Variants in ZCCHC14 observed in about 807,000 individuals in gnomAD.
ZCCHC14 encodes the protein zinc finger CCHC domain-containing protein 14.
A neutral mutation model predicts 85.0 loss-of-function variants in ZCCHC14; 16 were observed. That is an observed-to-expected ratio of 0.19 (90% CI 0.13 to 0.29). The LOEUF (loss-of-function observed/expected upper bound fraction) is 0.29. Among genes scored for constraint, ZCCHC14 ranks in the 10% least tolerant of loss-of-function variants. ZCCHC14 has a pLI of 1.00. For missense variants in ZCCHC14, 1,303 were observed against 1,443.5 expected (o/e 0.90, Z 1.58); for synonymous variants, 775 against 630.7 (o/e 1.23, Z -3.43).
intron 12 of ZCCHC14, 138 bp downstream of exon 12, chr16:87,411,378 G>T (rs746640566): frequency 4.6e-6 from 7 of 1,511,536 alleles, no homozygotes; most frequent in Non-Finnish European, 5.3e-6. Context: ...CTATCATGAA[G>T]ATTTCCACGC....
Position 87,414,397 on chromosome 16 carries a change from G to A in ZCCHC14, c.1603+17C>T, listed in dbSNP as rs1340232191. ...CTGTGTATGAGTAACCCATCTGCCC[G>A]ACACACCCTTGTTCACCTGCTGCAT... On this transcript the variant is annotated intron_variant, in intron 10 of 12. Transcript: ENST00000671377. The A allele has an allele frequency of 9.9e-6, 16 of 1,612,554 alleles. No homozygotes were observed. Among genetic ancestry groups the A allele is most frequent in the South Asian group, 4.4e-5 (4 of 91,014 alleles).
intron 2 of ZCCHC14, among the ~76,000 whole-genome samples, chr16:87,458,677 A>G (rs1911097533): frequency 6.6e-6 from 1 of 152,212 alleles, no homozygotes. Flanking sequence ...TGTGGAAGGC[A>G]CGAAGCGCCG....
rs1163668707 is a variant in ZCCHC14, at chr16:87,412,183, G to A, written c.2538C>T (p.Pro846=). 3 of 1,614,066 alleles carry A rather than the reference G, an allele frequency of 1.9e-6. No individual in the cohort carries two copies. The highest frequency in any genetic ancestry group is 2.2e-5 in the East Asian group (1 of 44,886). The change falls in exon 12 of 13, where the codon CCC becomes CCT. Residue 846 remains proline, a synonymous_variant. Transcript: ENST00000671377. Reference sequence around the variant, plus strand: ...CAAAGGACGTGGAGGGGTGGCTGCTGGGAGAGGCAGTGTTGCTGTTTGCAC... The same window carrying A: ...CAAAGGACGTGGAGGGGTGGCTGCTAGGAGAGGCAGTGTTGCTGTTTGCAC... ...GFCANSNTAS[P]SSHPSTSFAN...
chr16:87,415,090 T>TAAATAAATAA (rs1908715059), intron 9 of ZCCHC14, among the ~76,000 whole-genome samples, 186 bp downstream of exon 9: 5 of 151,690 alleles, frequency 3.3e-5, no homozygotes, highest in Admixed American at 3.3e-4. Context: ...TCTCAAAAAA[T>TAAATAAATAA]AAATAAATAA....
intron 2 of ZCCHC14, among the ~76,000 whole-genome samples, chr16:87,444,038 G>GAAAAAAAAAA (rs56352252): frequency 2.6e-5 from 2 of 77,108 alleles, no homozygotes; most frequent in African/African-American, 6.1e-5. Context: ...CTCTATCACA[G>GAAAAAAAAAA]AAAAAAAAAA....
At chr16:87,469,166 G>A (rs1224548863) in intron 1 of ZCCHC14, among the ~76,000 whole-genome samples, 1 of 152,118 alleles carries the variant, frequency 6.6e-6, no homozygotes, top group Non-Finnish European at 1.5e-5. Flanking sequence ...TCCTGCCTCA[G>A]CCTCCCGAGT....
intron 2 of ZCCHC14, among the ~76,000 whole-genome samples, chr16:87,454,389 C>T (rs528937702): frequency 6.2e-4 from 94 of 152,146 alleles, no homozygotes; most frequent in Non-Finnish European, 1.3e-3. Context: ...ACATCCTCAA[C>T]GCAGCCAGAG....
rs1912839476 is a variant in ZCCHC14, at chr16:87,492,865, C to G, written c.-627G>C. Among the ~76,000 whole-genome samples, 2 of 148,204 alleles carry G rather than the reference C, an allele frequency of 1.3e-5. No homozygotes were observed. Among genetic ancestry groups the G allele is most frequent in the South Asian group, 2.1e-4 (1 of 4,778 alleles). On this transcript the variant is annotated 5_prime_UTR_variant, in exon 1 of 13. Transcript: ENST00000671377. The surrounding 1 kb of genome is among the most constrained non-coding windows in gnomAD (Gnocchi z 6.7). The stretch of plus-strand genomic sequence containing the variant: ...GCGGAGGGATCCGGCCGGGACTTGC[C>G]GGCCTTGCTGCTCCCGCGCGGCGGA...
intron 1 of ZCCHC14, among the ~76,000 whole-genome samples, chr16:87,469,882 C>G (rs925193427): frequency 4.6e-5 from 7 of 152,178 alleles, no homozygotes; most frequent in African/African-American, 1.7e-4. Context: ...GTTCCCTGCA[C>G]TGGGGGCCAG....
At chr16:87,449,147 C>T (rs765399292) in intron 2 of ZCCHC14, among the ~76,000 whole-genome samples, 2 of 152,200 alleles carry the variant, frequency 1.3e-5, no homozygotes, top group Non-Finnish European at 2.9e-5. Context: ...GTGAGGAAGG[C>T]GCTCATCTTG....
chr16:87,459,937 C>T (rs1260854311), intron 2 of ZCCHC14, 71 bp downstream of exon 2: 4 of 1,603,112 alleles, frequency 2.5e-6, no homozygotes, highest in African/African-American at 1.3e-5. Context: ...TAACAATGCC[C>T]TCACGGGGAT....
chr16:87,442,307 G>C (rs1910225137), intron 2 of ZCCHC14, among the ~76,000 whole-genome samples: 1 of 152,204 alleles, frequency 6.6e-6, no homozygotes, highest in South Asian at 2.1e-4. Context: ...AGTACTTGCT[G>C]TCAGAACCCA....
At chr16:87,459,316 G>C (rs1225698247) in intron 2 of ZCCHC14, among the ~76,000 whole-genome samples, 1 of 151,958 alleles carries the variant, frequency 6.6e-6, no homozygotes, top group Admixed American at 6.6e-5. Flanking sequence ...CATGTGGGGT[G>C]GGGAGGAGGG....
intron 3 of ZCCHC14, among the ~76,000 whole-genome samples, chr16:87,427,251 T>C (rs970882705): frequency 1.3e-5 from 2 of 152,246 alleles, no homozygotes; most frequent in Non-Finnish European, 2.9e-5. Context: ...ACCTAGTGCC[T>C]GCTGCTCTGG....
intron 2 of ZCCHC14, among the ~76,000 whole-genome samples, chr16:87,451,495 G>C (rs769921636): frequency 5.9e-5 from 9 of 152,246 alleles, no homozygotes; most frequent in Non-Finnish European, 1.0e-4. Context: ...ACCATGCCCA[G>C]ACAAATTTCC....
chr16:87,450,384 A>G (rs139922892), intron 2 of ZCCHC14, among the ~76,000 whole-genome samples: 4 of 152,202 alleles, frequency 2.6e-5, no homozygotes, highest in Admixed American at 1.3e-4. Context: ...CACACTGATT[A>G]AGCTGCTCCT....
intron 3 of ZCCHC14, among the ~76,000 whole-genome samples, chr16:87,430,722 A>G (rs529962029): frequency 6.6e-6 from 1 of 151,170 alleles, no homozygotes; most frequent in Non-Finnish European, 1.5e-5. Flanking sequence ...GGGTTTCACC[A>G]TGTTGGCTAG....
At chr16:87,425,843 C>G (rs1350741448) in intron 3 of ZCCHC14, among the ~76,000 whole-genome samples, 2 of 152,216 alleles carry the variant, frequency 1.3e-5, no homozygotes, top group Non-Finnish European at 2.9e-5. Context: ...TCACACCTGC[C>G]TCTAGGCTGT....
intron 2 of ZCCHC14, among the ~76,000 whole-genome samples, chr16:87,456,766 C>G (rs1910989797): frequency 6.6e-6 from 1 of 151,966 alleles, no homozygotes; most frequent in Admixed American, 6.6e-5. Context: ...ATGGTAAATA[C>G]CTATAGATGT....
Sources: gnomAD v4.1 joint callset for allele counts (sites outside exome capture counted in the v4.1 genomes callset) on GRCh38, gnomAD v4.1.1 for gene constraint, Gnocchi (gnomAD v3.1) non-coding constraint, MANE v1.5 for transcripts, NCBI Gene and HGNC (gene_info 2026-07-23, HGNC 2026-07-21) for gene names.